Variants in PPP2R2B observed in about 807,000 individuals in gnomAD.
PPP2R2B encodes the protein serine/threonine-protein phosphatase 2A 55 kDa regulatory subunit B beta isoform.
PPP2R2B carries 5 observed loss-of-function variants against 46.0 expected under a neutral mutation model. The observed-to-expected ratio is 0.11, with a 90% CI of 0.06 to 0.23. The LOEUF (loss-of-function observed/expected upper bound fraction) is 0.23. Ranked by LOEUF, PPP2R2B falls within the 10% of genes least tolerant of loss-of-function variation. The probability of loss-of-function intolerance (pLI) is 1.00; values close to 1 mark genes in which losing one functional copy is unlikely to be tolerated. For missense variants in PPP2R2B, 367 were observed against 575.0 expected (o/e 0.64, Z 3.70); for synonymous variants, 215 against 206.7 (o/e 1.04, Z -0.34).
At chr5:146,667,047 A>G (rs1487729383) in intron 5 of PPP2R2B, among the ~76,000 whole-genome samples, 1 of 152,150 alleles carries the variant, frequency 6.6e-6, no homozygotes, top group Non-Finnish European at 1.5e-5. Flanking sequence ...GTAGGAATCT[A>G]CTGAACAGTA....
chr5:146,789,126 C>T (rs773010555), intron 2 of PPP2R2B, among the ~76,000 whole-genome samples: 4 of 152,140 alleles, frequency 2.6e-5, no homozygotes, highest in Non-Finnish European at 5.9e-5. Context: ...CACTGTGAGG[C>T]TTTTGTTTTG....
At chr5:146,772,789 C>G (rs1043328123) in intron 2 of PPP2R2B, among the ~76,000 whole-genome samples, 6 of 152,110 alleles carry the variant, frequency 3.9e-5, no homozygotes, top group Non-Finnish European at 8.8e-5. Flanking sequence ...TCTGTGGCCA[C>G]AAACGTTTAA....
intron 1 of PPP2R2B, among the ~76,000 whole-genome samples, chr5:147,007,902 G>A (rs10476881): frequency 0.26 from 39,674 of 152,088 alleles, 5,960 homozygotes; most frequent in African/African-American, 0.4. Context: ...GAGGGTCCGC[G>A]GCTTCATTCT....
chr5:147,014,546 C>T (rs901329463), intron 1 of PPP2R2B, among the ~76,000 whole-genome samples: 33 of 152,178 alleles, frequency 2.2e-4, no homozygotes, highest in African/African-American at 6.7e-4. Flanking sequence ...CCATGGAATA[C>T]TATGCAGCCA....
At chr5:146,777,837 T>C (rs1056302630) in intron 2 of PPP2R2B, among the ~76,000 whole-genome samples, 6 of 152,220 alleles carry the variant, frequency 3.9e-5, no homozygotes, top group Admixed American at 6.5e-5. Flanking sequence ...TTAAATTGTT[T>C]GTATCAGTTC....
At chr5:146,852,675 C>A (rs1232098810) in intron 2 of PPP2R2B, among the ~76,000 whole-genome samples, 1 of 152,158 alleles carries the variant, frequency 6.6e-6, no homozygotes, top group Non-Finnish European at 1.5e-5. Flanking sequence ...ACATTCTCAA[C>A]AATTCCCAAT....
At chr5:146,663,902 G>A (rs1776822101) in intron 5 of PPP2R2B, among the ~76,000 whole-genome samples, 1 of 152,030 alleles carries the variant, frequency 6.6e-6, no homozygotes, top group South Asian at 2.1e-4. Context: ...GAGTATAGTG[G>A]CATGATCTTG....
At chr5:146,983,128 A>G (rs962774581) in intron 1 of PPP2R2B, among the ~76,000 whole-genome samples, 2 of 147,836 alleles carry the variant, frequency 1.4e-5, no homozygotes, top group African/African-American at 4.9e-5. Flanking sequence ...GGTTACTTGA[A>G]CATTTTTTAG....
At chr5:146,954,411 T>A (rs1751776176) in intron 1 of PPP2R2B, among the ~76,000 whole-genome samples, 2 of 152,126 alleles carry the variant, frequency 1.3e-5, no homozygotes, top group Non-Finnish European at 1.5e-5. Context: ...AGGTCAGGAA[T>A]GGAAAACCAA....
intron 1 of PPP2R2B, among the ~76,000 whole-genome samples, chr5:147,000,060 C>T (rs1157878658): frequency 6.6e-6 from 1 of 152,270 alleles, no homozygotes; most frequent in East Asian, 1.9e-4. Flanking sequence ...GACACCAAGG[C>T]TGTGATGATG....
chr5:146,915,144 C>T (rs1385604918), intron 1 of PPP2R2B, among the ~76,000 whole-genome samples: 1 of 152,140 alleles, frequency 6.6e-6, no homozygotes, highest in African/African-American at 2.4e-5. Context: ...CATCTTTCAT[C>T]TGGGCTTGGT....
At chr5:146,638,227 C>T in intron 7 of PPP2R2B, 24 bp downstream of exon 7, 1 of 1,606,496 alleles carries the variant, frequency 6.2e-7, no homozygotes, top group Non-Finnish European at 8.5e-7. Context: ...CCATGCCCCC[C>T]ACCTCCCTTC....
intron 1 of PPP2R2B, among the ~76,000 whole-genome samples, chr5:146,907,282 G>T (rs580633): frequency 0.48 from 72,908 of 151,986 alleles, 19,254 homozygotes; most frequent in African/African-American, 0.69. Context: ...AGCGAGCTGG[G>T]GGATTATTAC....
At chr5:146,936,493 C>G (rs183550631) in intron 1 of PPP2R2B, among the ~76,000 whole-genome samples, 19 of 128,214 alleles carry the variant, frequency 1.5e-4, no homozygotes, top group Admixed American at 6.5e-4. Context: ...AAACCCTAGA[C>G]AGTTATGAAG....
chr5:146,820,916 T>G (rs1333361613), intron 2 of PPP2R2B, among the ~76,000 whole-genome samples: 1 of 152,104 alleles, frequency 6.6e-6, no homozygotes, highest in African/African-American at 2.4e-5. Context: ...ATCCCTCTCA[T>G]AAATCTCCTT....
chr5:146,644,392 G>A (rs948140990), intron 6 of PPP2R2B, among the ~76,000 whole-genome samples: 3 of 151,920 alleles, frequency 2.0e-5, no homozygotes, highest in Middle Eastern at 3.2e-3. Flanking sequence ...ACTGTGATGC[G>A]AATCCAATGT....
At chr5:146,671,914 A>G (rs2151122424) in intron 5 of PPP2R2B, among the ~76,000 whole-genome samples, 1 of 152,274 alleles carries the variant, frequency 6.6e-6, no homozygotes, top group Middle Eastern at 3.4e-3. Context: ...GGGGACAGGT[A>G]CAGATGGGGA....
intron 8 of PPP2R2B, 147 bp from the exon 9 acceptor site, chr5:146,593,209 G>T (rs1770832980): frequency 1.4e-6 from 1 of 698,654 alleles, no homozygotes; most frequent in East Asian, 2.7e-5. Context: ...CCTAGGCTTG[G>T]CCCTTTTAGC....
intron 1 of PPP2R2B, among the ~76,000 whole-genome samples, chr5:146,934,761 C>CTT (rs35055298): frequency 4.8e-5 from 7 of 144,832 alleles, no homozygotes; most frequent in African/African-American, 1.8e-4. Context: ...AGACCAAACT[C>CTT]TTTTTTTTTT....
Sources: gnomAD v4.1 joint callset for allele counts (sites outside exome capture counted in the v4.1 genomes callset) on GRCh38, gnomAD v4.1.1 for gene constraint, MANE v1.5 for transcripts, NCBI Gene and HGNC (gene_info 2026-07-23, HGNC 2026-07-21) for gene names.